Variants in ENTREP2 observed in about 807,000 individuals in gnomAD.
The protein encoded by ENTREP2 is endosomal transmembrane epsin interactor 2, also known as protein ENTREP2.
chr15:29,602,926 A>C, the ENTREP2 span, among the ~76,000 whole-genome samples: 1 of 152,224 alleles, frequency 6.6e-6, no homozygotes, highest in African/African-American at 2.4e-5. Flanking sequence ...GAGAACGTGC[A>C]TGTGCAAAGA....
At chr15:29,126,421 A>G in the ENTREP2 span, 8 of 1,549,686 alleles carry the variant, frequency 5.2e-6, no homozygotes, top group Non-Finnish European at 4.4e-6. Context: ...CCACAGGGCC[A>G]TCGGGGGATG....
At chr15:29,591,164 G>A in the ENTREP2 span, among the ~76,000 whole-genome samples, 1 of 152,146 alleles carries the variant, frequency 6.6e-6, no homozygotes, top group Non-Finnish European at 1.5e-5. Context: ...TCTCTTCTGG[G>A]AGATGCTGTG....
chr15:29,446,141 G>C, the ENTREP2 span, among the ~76,000 whole-genome samples: 1 of 152,210 alleles, frequency 6.6e-6, no homozygotes, highest in East Asian at 1.9e-4. Flanking sequence ...GAAGGAAGCA[G>C]GCCTTCCTCA....
At chr15:29,465,300 G>A in the ENTREP2 span, among the ~76,000 whole-genome samples, 3 of 152,178 alleles carry the variant, frequency 2.0e-5, no homozygotes, top group Admixed American at 6.5e-5. Flanking sequence ...AATGTTGGAA[G>A]GGAAGTAAGG....
the ENTREP2 span, among the ~76,000 whole-genome samples, chr15:29,419,197 T>G: frequency 6.6e-6 from 1 of 151,856 alleles, no homozygotes; most frequent in Non-Finnish European, 1.5e-5. Flanking sequence ...CTGGCTGACT[T>G]CAAAACAATT....
the ENTREP2 span, among the ~76,000 whole-genome samples, chr15:29,601,592 G>C: frequency 3.3e-5 from 5 of 152,194 alleles, no homozygotes; most frequent in East Asian, 9.7e-4. Context: ...ACATTCACAT[G>C]ATCAGCTATG....
chr15:29,593,987 T>C, the ENTREP2 span, among the ~76,000 whole-genome samples: 1 of 152,202 alleles, frequency 6.6e-6, no homozygotes, highest in African/African-American at 2.4e-5. Flanking sequence ...TTTGATATTG[T>C]ACTATAGTTA....
At chr15:29,587,194 G>A in the ENTREP2 span, among the ~76,000 whole-genome samples, 81 of 133,838 alleles carry the variant, frequency 6.1e-4, no homozygotes, top group African/African-American at 2.1e-3. Context: ...TGTGTGTTTC[G>A]TAGCTCTGTC....
chr15:29,498,654 T>C, the ENTREP2 span, among the ~76,000 whole-genome samples: 2 of 152,214 alleles, frequency 1.3e-5, no homozygotes, highest in Non-Finnish European at 2.9e-5. Flanking sequence ...TGTATTTCTG[T>C]ATATATCTGT....
At chr15:29,368,026 A>G in the ENTREP2 span, among the ~76,000 whole-genome samples, 1 of 151,372 alleles carries the variant, frequency 6.6e-6, no homozygotes, top group Non-Finnish European at 1.5e-5. Context: ...AAAGCAATCA[A>G]TGTAAGTGAT....
chr15:29,393,427 C>T, the ENTREP2 span, among the ~76,000 whole-genome samples: 2 of 152,212 alleles, frequency 1.3e-5, no homozygotes, highest in East Asian at 1.9e-4. Flanking sequence ...CTATGGTGGA[C>T]ACTCATGCTC....
At chr15:29,592,614 C>T in the ENTREP2 span, among the ~76,000 whole-genome samples, 3 of 152,348 alleles carry the variant, frequency 2.0e-5, no homozygotes, top group African/African-American at 7.2e-5. Flanking sequence ...ATTCTGTTTA[C>T]AACACATGCT....
chr15:29,613,851 A>G, the ENTREP2 span: 2 of 166,570 alleles, frequency 1.2e-5, no homozygotes, highest in Non-Finnish European at 2.6e-5. Flanking sequence ...CCAGTTGTGG[A>G]AGCCAGCTGT....
At chr15:29,404,187 T>C in the ENTREP2 span, among the ~76,000 whole-genome samples, 1 of 152,012 alleles carries the variant, frequency 6.6e-6, no homozygotes, top group African/African-American at 2.4e-5. Context: ...CCGCTGATGA[T>C]AGCCCCGGTG....
At chr15:29,554,503 A>G in the ENTREP2 span, among the ~76,000 whole-genome samples, 1 of 152,190 alleles carries the variant, frequency 6.6e-6, no homozygotes, top group Non-Finnish European at 1.5e-5. Context: ...ATCCATTCAT[A>G]AATTCATTGA....
At chr15:29,309,849 G>C in the ENTREP2 span, among the ~76,000 whole-genome samples, 1 of 151,414 alleles carries the variant, frequency 6.6e-6, no homozygotes, top group African/African-American at 2.4e-5. Flanking sequence ...GTGAGATTTT[G>C]AACAATAACA....
At chr15:29,202,203 A>G in the ENTREP2 span, among the ~76,000 whole-genome samples, 1 of 152,108 alleles carries the variant, frequency 6.6e-6, no homozygotes, top group African/African-American at 2.4e-5. Context: ...GATGTTGTCA[A>G]AGTATCAGCT....
the ENTREP2 span, among the ~76,000 whole-genome samples, chr15:29,382,057 C>T: frequency 1.3e-5 from 2 of 152,130 alleles, no homozygotes; most frequent in African/African-American, 2.4e-5. Context: ...GTGCACTGCA[C>T]TAGGTGGCCC....
the ENTREP2 span, among the ~76,000 whole-genome samples, chr15:29,560,107 G>C: frequency 6.6e-6 from 1 of 152,152 alleles, no homozygotes; most frequent in Non-Finnish European, 1.5e-5. Context: ...GAATAATCTG[G>C]GTAAGAGAGA....
Sources: gnomAD v4.1 joint callset for allele counts (sites outside exome capture counted in the v4.1 genomes callset) on GRCh38, gnomAD v4.1.1 for gene constraint, MANE v1.5 for transcripts, NCBI Gene and HGNC (gene_info 2026-07-23, HGNC 2026-07-21) for gene names.